Variants in SLC22A15 observed in about 807,000 individuals in gnomAD.
The protein encoded by SLC22A15 is solute carrier family 22 member 15, also known as flipt 1.
A neutral mutation model predicts 62.7 loss-of-function variants in SLC22A15; 45 were observed. The observed-to-expected ratio is 0.72, with a 90% CI of 0.56 to 0.92. The LOEUF is 0.92. Ranked by LOEUF, SLC22A15 falls within the 40% of genes least tolerant of loss-of-function variation. The probability of loss-of-function intolerance (pLI) is 0.00; values close to 1 mark genes in which losing one functional copy is unlikely to be tolerated. For synonymous variants in SLC22A15, 264 were observed against 267.0 expected (o/e 0.99, Z 0.11); for missense variants, 622 against 665.6 (o/e 0.93, Z 0.72).
chr1:116,049,917 A>G (rs559871016), intron 8 of SLC22A15, among the ~76,000 whole-genome samples: 1 of 152,358 alleles, frequency 6.6e-6, no homozygotes, highest in East Asian at 1.9e-4. Flanking sequence ...AGGAGACATT[A>G]CAACTGACAC....
chr1:116,048,542 C>T (rs748356586), intron 8 of SLC22A15, among the ~76,000 whole-genome samples: 1 of 152,112 alleles, frequency 6.6e-6, no homozygotes, highest in Non-Finnish European at 1.5e-5. Flanking sequence ...TGAGAGAATT[C>T]GCCACTACCA....
At chr1:115,989,494 A>C (rs1655044310) in intron 1 of SLC22A15, among the ~76,000 whole-genome samples, 1 of 152,086 alleles carries the variant, frequency 6.6e-6, no homozygotes, top group Non-Finnish European at 1.5e-5. Flanking sequence ...AAAATATGAT[A>C]TGTTGGCCAG....
At chr1:116,030,404 T>C (rs1657334590) in intron 5 of SLC22A15, among the ~76,000 whole-genome samples, 1 of 152,182 alleles carries the variant, frequency 6.6e-6, no homozygotes, top group Non-Finnish European at 1.5e-5. Flanking sequence ...TAGCCAGTTT[T>C]ATTCATCTAA....
Position 116,061,696 on chromosome 1 carries a change from A to G in SLC22A15, c.1172-1066A>G, listed in dbSNP as rs567985137. Reference sequence around the variant, plus strand: ...AGGTTAAACTTTTCTAAAAAAAAAAAATCATTAAATTGTAGAATCCCAGAA... The same window carrying G: ...AGGTTAAACTTTTCTAAAAAAAAAAGATCATTAAATTGTAGAATCCCAGAA... On this transcript the variant is annotated intron_variant, in intron 8 of 11. Coordinates refer to ENST00000369503, the MANE Select transcript of SLC22A15 (RefSeq NM_018420.3). Among the ~76,000 whole-genome samples, 95 of 152,246 alleles carry G rather than the reference A, an allele frequency of 6.2e-4. 1 individual carries two copies. The East Asian group carries it at 0.018, about 28-fold the overall frequency.
At chr1:115,989,601 T>C (rs1655050542) in intron 1 of SLC22A15, among the ~76,000 whole-genome samples, 1 of 152,002 alleles carries the variant, frequency 6.6e-6, no homozygotes, top group Non-Finnish European at 1.5e-5. Flanking sequence ...GCCAACATGG[T>C]GAAACCTCGT....
intron 8 of SLC22A15, among the ~76,000 whole-genome samples, chr1:116,057,949 C>T (rs1658259650): frequency 6.6e-6 from 1 of 151,792 alleles, no homozygotes. Flanking sequence ...GGAGATATAC[C>T]TAATGCTAAA....
At chr1:116,019,433 T>C in intron 2 of SLC22A15, 149 bp from the exon 3 acceptor site, 1 of 718,756 alleles carries the variant, frequency 1.4e-6, no homozygotes, top group Non-Finnish European at 2.2e-6. Context: ...TGATTGGACG[T>C]TGTCTGAGAT....
intron 2 of SLC22A15, among the ~76,000 whole-genome samples, chr1:116,019,288 T>C (rs1467059070): frequency 6.6e-6 from 1 of 152,226 alleles, no homozygotes; most frequent in Non-Finnish European, 1.5e-5. Context: ...AGCCTTAGGA[T>C]GTGGGACATA....
chr1:116,009,575 G>A (rs1252485935), intron 2 of SLC22A15, among the ~76,000 whole-genome samples: 3 of 152,174 alleles, frequency 2.0e-5, no homozygotes. Flanking sequence ...GGAACCACTA[G>A]TCTCTGCACT....
At chr1:115,984,890 GAAAGA>G (rs1654782986) in intron 1 of SLC22A15, among the ~76,000 whole-genome samples, 1 of 146,460 alleles carries the variant, frequency 6.8e-6, no homozygotes, top group South Asian at 2.2e-4. Flanking sequence ...AGGATATAAA[GAAAGA>G]AAATATTTTT....
intron 2 of SLC22A15, among the ~76,000 whole-genome samples, chr1:116,008,059 G>A (rs1186857633): frequency 6.6e-6 from 1 of 152,220 alleles, no homozygotes; most frequent in East Asian, 1.9e-4. Context: ...TGGCAGTGAA[G>A]GGACAGGAAG....
At chr1:115,999,567 G>T (rs2101129951) in intron 2 of SLC22A15, among the ~76,000 whole-genome samples, 1 of 148,668 alleles carries the variant, frequency 6.7e-6, no homozygotes, top group Admixed American at 6.7e-5. Context: ...GCAGTGGCAT[G>T]ATCTCAGCTT....
intron 8 of SLC22A15, 69 bp downstream of exon 8, chr1:116,037,457 A>G: frequency 1.8e-6 from 2 of 1,135,760 alleles, no homozygotes; most frequent in South Asian, 2.5e-5. Context: ...AATATAGTGG[A>G]GAGATGACCA....
intron 5 of SLC22A15, among the ~76,000 whole-genome samples, chr1:116,028,667 A>G (rs1657227691): frequency 6.6e-6 from 1 of 151,818 alleles, no homozygotes; most frequent in Non-Finnish European, 1.5e-5. Flanking sequence ...TGAGATTTAA[A>G]TATTTACTTA....
intron 8 of SLC22A15, among the ~76,000 whole-genome samples, chr1:116,056,457 TATC>T (rs1178831032): frequency 8.6e-5 from 13 of 150,724 alleles, no homozygotes; most frequent in African/African-American, 2.7e-4. Context: ...GAAGAATCAA[TATC>T]ATGAAAATGG....
chr1:115,999,988 G>A (rs1394188263), intron 2 of SLC22A15, among the ~76,000 whole-genome samples: 2 of 152,068 alleles, frequency 1.3e-5, no homozygotes, highest in Admixed American at 1.3e-4. Flanking sequence ...TTCAGTCTAT[G>A]TGTATCTTTA....
chr1:116,017,377 AAAAAAAAGAAAAG>A (rs1005407634), intron 2 of SLC22A15: 3 of 151,932 alleles, frequency 2.0e-5, no homozygotes, highest in African/African-American at 7.3e-5. Flanking sequence ...CCAAAAAAAA[AAAAAAAAGAAAAG>A]AAAAAAAAGG....
intron 1 of SLC22A15, among the ~76,000 whole-genome samples, chr1:115,982,721 A>C (rs1654670495): frequency 6.6e-6 from 1 of 152,146 alleles, no homozygotes; most frequent in Non-Finnish European, 1.5e-5. Context: ...CCATTCATAT[A>C]GTTCTACCTA....
At chr1:116,062,541 T>C (rs533671427) in intron 8 of SLC22A15, among the ~76,000 whole-genome samples, 26 of 152,344 alleles carry the variant, frequency 1.7e-4, no homozygotes, top group Non-Finnish European at 3.2e-4. Flanking sequence ...TCACACTTAA[T>C]GACACCACTA....
Sources: allele counts gnomAD v4.1 joint callset (sites outside exome capture counted in the v4.1 genomes callset), GRCh38; gene constraint gnomAD v4.1.1; transcripts MANE v1.5; gene names NCBI Gene and HGNC (gene_info 2026-07-23, HGNC 2026-07-21).